Variants in MTUS1 observed in about 807,000 individuals in gnomAD.
MTUS1 encodes microtubule-associated tumor suppressor 1.
MTUS1 carries 109 observed loss-of-function variants against 120.8 expected under a neutral mutation model. The ratio of observed to expected loss-of-function variants is 0.90; its 90% CI spans 0.77 to 1.06. MTUS1 has a LOEUF of 1.06. MTUS1 is among the 50% of genes least tolerant of loss of function. MTUS1 has a pLI of 0.00. For missense variants in MTUS1, 2,210 were observed against 1,486.3 expected, an observed-to-expected ratio of 1.49 and a Z score of -8.01; for synonymous variants, 737 against 550.5, an observed-to-expected ratio of 1.34 and a Z score of -4.74.
intron 1 of MTUS1, among the ~76,000 whole-genome samples, chr8:17,769,255 C>T (rs189730321): frequency 1.3e-3 from 165 of 131,360 alleles, no homozygotes; most frequent in African/African-American, 2.8e-3. Context: ...TTTTTTGGCT[C>T]AACAACTTCC....
chr8:17,707,006 T>C lies in MTUS1; in HGVS notation c.2623+6208A>G, dbSNP rs559620668. On this transcript the variant is annotated intron_variant, in intron 6 of 14. Coordinates refer to ENST00000693296, the MANE Select transcript of MTUS1 (RefSeq NM_001363059.2). ...ACTAAGGAATATGAAGTTGGTCAAC[T>C]CAACTGTAATCTCCACCACTACTTA... Among the ~76,000 whole-genome samples the C allele has an allele frequency of 2.6e-5, 4 of 152,320 alleles. No homozygotes were observed. The South Asian group carries it at 6.2e-4, about 24-fold the overall frequency.
At chr8:17,689,373 T>C (rs1248385978) in intron 6 of MTUS1, among the ~76,000 whole-genome samples, 3 of 152,206 alleles carry the variant, frequency 2.0e-5, no homozygotes, top group Admixed American at 2.0e-4. Context: ...TTCTACTTCT[T>C]TTCTTCACAT....
At chr8:17,695,866 C>T (rs1042285281) in intron 6 of MTUS1, among the ~76,000 whole-genome samples, 2 of 152,146 alleles carry the variant, frequency 1.3e-5, no homozygotes, top group Non-Finnish European at 2.9e-5. Context: ...GAACACTATG[C>T]AAGCAGCTGA....
rs771437087 is a variant in MTUS1 at position 17,753,893 on chromosome 8, C to A, written c.1915G>T (p.Gly639Cys). The change falls in exon 2 of 15, where the codon GGC becomes TGC. Residue 639 changes from glycine to cysteine, a missense_variant. By Grantham distance (159) the Gly-to-Cys change is radical. Transcript: ENST00000693296. Reference protein sequence around the residue: ...SVSALFQKIKGILPVKMESAE... With the variant: ...SVSALFQKIKCILPVKMESAE... ...CTTTCCATTTTAACAGGGAGTATGC[C>A]TTTGATCTTCTGAAACAACGCAGAA... The A allele has an allele frequency of 6.2e-7, 1 of 1,613,920 alleles. No homozygotes were observed. Among genetic ancestry groups the A allele is most frequent in the African/African-American group, 1.3e-5 (1 of 74,862 alleles).
intron 14 of MTUS1, 33 bp from the exon 15 acceptor site, chr8:17,646,172 A>T (rs1189672361): frequency 1.3e-6 from 2 of 1,496,192 alleles, no homozygotes; most frequent in Admixed American, 2.5e-5. Flanking sequence ...CATGAGATCT[A>T]TGTAAAAAAA....
chr8:17,669,705 C>T (rs913316365), intron 8 of MTUS1, among the ~76,000 whole-genome samples: 3 of 151,960 alleles, frequency 2.0e-5, no homozygotes, highest in South Asian at 2.1e-4. Context: ...ATTAGCCGGC[C>T]GTGGTGGTGC....
intron 1 of MTUS1, among the ~76,000 whole-genome samples, chr8:17,769,533 G>A (rs1424805616): frequency 6.6e-6 from 1 of 150,874 alleles, no homozygotes; most frequent in Non-Finnish European, 1.5e-5. Flanking sequence ...ATTTTTAGTA[G>A]AGACGGGATT....
At chr8:17,663,430 T>C (rs1160494482) in intron 8 of MTUS1, among the ~76,000 whole-genome samples, 2 of 152,214 alleles carry the variant, frequency 1.3e-5, no homozygotes, top group African/African-American at 2.4e-5. Context: ...CTGAGTAGCA[T>C]GGTTCATTAT....
intron 3 of MTUS1, among the ~76,000 whole-genome samples, chr8:17,731,103 T>C (rs576037936): frequency 1.3e-5 from 2 of 152,340 alleles, no homozygotes; most frequent in Non-Finnish European, 1.5e-5. Flanking sequence ...CGGTGGTATA[T>C]ACATCTCAGA....
intron 13 of MTUS1, among the ~76,000 whole-genome samples, chr8:17,648,839 C>T (rs1048849935): frequency 4.6e-5 from 7 of 152,300 alleles, no homozygotes; most frequent in Non-Finnish European, 1.0e-4. Context: ...CAGTAGCATG[C>T]GGCAGCTGGA....
rs1306086134 is a variant in MTUS1 at position 17,644,657 on chromosome 8, G to A, written c.*1269C>T. On this transcript the variant is annotated 3_prime_UTR_variant, in exon 15 of 15. Transcript: ENST00000693296. ...CTGAAAAATGAGCGCTATCCTCCCA[G>A]ACTGTTTTCTTCTATCAAGTACTGC... The A allele has an allele frequency of 1.3e-5, 2 of 152,212 alleles. No individual in the cohort carries two copies. Among genetic ancestry groups the A allele is most frequent in the Non-Finnish European group, 2.9e-5 (2 of 68,044 alleles). 9.4% of individuals were successfully genotyped at this position (152,212 alleles called of 1,614,324 possible). A position where few individuals can be genotyped will look rare whatever the true frequency, so the allele number is the denominator to read the frequency against.
At chr8:17,797,171 G>T (rs1465515042) in intron 1 of MTUS1, among the ~76,000 whole-genome samples, 2 of 151,912 alleles carry the variant, frequency 1.3e-5, no homozygotes, top group Non-Finnish European at 2.9e-5. Flanking sequence ...TAGCACTCTG[G>T]GAGGCTGAAG....
rs57677185 is a variant in MTUS1 at position 17,745,481 on chromosome 8, G to C, written c.2092-1682C>G. On this transcript the variant is annotated intron_variant, in intron 2 of 14. Coordinates refer to ENST00000693296, the MANE Select transcript of MTUS1 (RefSeq NM_001363059.2). ...TTTTTTCTGAATATTTTCAGTCCAA[G>C]TTTGGCTCAATCCACAGATGTGGAG... Among the ~76,000 whole-genome samples the C allele has an allele frequency of 2.8e-3, 423 of 152,262 alleles. 1 individual carries two copies. The highest frequency in any genetic ancestry group is 9.7e-3 in the African/African-American group (402 of 41,534).
At chr8:17,731,321 C>T (rs941981168) in intron 3 of MTUS1, among the ~76,000 whole-genome samples, 4 of 152,138 alleles carry the variant, frequency 2.6e-5, no homozygotes, top group East Asian at 3.9e-4. Flanking sequence ...GGTTCCTCAC[C>T]GTTCTGCACT....
intron 1 of MTUS1, among the ~76,000 whole-genome samples, chr8:17,765,702 ACACACAC>A (rs1291829833): frequency 9.9e-5 from 15 of 150,800 alleles, no homozygotes; most frequent in African/African-American, 3.7e-4. Flanking sequence ...ACACACACAC[ACACACAC>A]ACACACACAA....
chr8:17,704,748 T>G (rs1330250912), intron 6 of MTUS1, among the ~76,000 whole-genome samples: 1 of 152,224 alleles, frequency 6.6e-6, no homozygotes, highest in African/African-American at 2.4e-5. Flanking sequence ...CTATTTGCAG[T>G]CCTCTGTCAT....
chr8:17,794,663 A>G (rs1212091075), intron 1 of MTUS1, among the ~76,000 whole-genome samples: 2 of 152,248 alleles, frequency 1.3e-5, no homozygotes, highest in African/African-American at 2.4e-5. Flanking sequence ...ATAAGCAAAT[A>G]TGGTTCAATT....
intron 1 of MTUS1, among the ~76,000 whole-genome samples, chr8:17,773,598 G>A (rs1293241726): frequency 6.6e-6 from 1 of 152,162 alleles, no homozygotes; most frequent in Non-Finnish European, 1.5e-5. Context: ...ATAACATGGA[G>A]AAGGGCATCA....
chr8:17,649,082 CTTA>C (rs1477212284), intron 13 of MTUS1, among the ~76,000 whole-genome samples: 2 of 132,284 alleles, frequency 1.5e-5, no homozygotes, highest in Non-Finnish European at 3.2e-5. Context: ...ATGGATTAAT[CTTA>C]TTATAGCACA....
Sources: allele counts gnomAD v4.1 joint callset (sites outside exome capture counted in the v4.1 genomes callset), GRCh38; gene constraint gnomAD v4.1.1; transcripts MANE v1.5; gene names NCBI Gene and HGNC (gene_info 2026-07-23, HGNC 2026-07-21).